The following AIG1 variants were observed in gnomAD, a reference collection of about 807,000 sequenced individuals.
AIG1 encodes androgen-induced gene 1 protein.
AIG1 carries 23 observed loss-of-function variants against 31.4 expected under a neutral mutation model. That is an observed-to-expected ratio of 0.73 (90% confidence interval 0.53 to 1.04). AIG1 has a LOEUF of 1.04. Ranked by LOEUF, AIG1 falls within the 50% of genes least tolerant of loss-of-function variation. AIG1 has a pLI of 0.00. For synonymous variants in AIG1, 100 were observed against 110.5 expected (o/e 0.90, Z 0.60); for missense variants, 274 against 295.0 (o/e 0.93, Z 0.52).
At chr6:143,093,504 T>C (rs1355700729) in intron 1 of AIG1, among the ~76,000 whole-genome samples, 1 of 152,238 alleles carries the variant, frequency 6.6e-6, no homozygotes, top group Admixed American at 6.5e-5. Context: ...GCAATAAGGC[T>C]GTTTTCTTTT....
chr6:143,265,682 A>G (rs1173584986), intron 3 of AIG1, among the ~76,000 whole-genome samples: 1 of 152,198 alleles, frequency 6.6e-6, no homozygotes, highest in African/African-American at 2.4e-5. Flanking sequence ...GCTGAACACA[A>G]TATACCTCAC....
intron 2 of AIG1, among the ~76,000 whole-genome samples, chr6:143,157,964 A>G (rs1028729254): frequency 3.9e-5 from 6 of 152,182 alleles, no homozygotes; most frequent in Non-Finnish European, 8.8e-5. Flanking sequence ...CAAGCCAGCT[A>G]TTTGTGAAAG....
At chr6:143,143,500 CAAAAAAAAAAAAAA>C (rs60620136) in intron 2 of AIG1, among the ~76,000 whole-genome samples, 3 of 27,484 alleles carry the variant, frequency 1.1e-4, no homozygotes, top group African/African-American at 2.7e-4. Context: ...GACTTCATCT[CAAAAAAAAAAAAAA>C]AAAAAAAAAA....
At chr6:143,205,960 T>C (rs1465974058) in intron 3 of AIG1, among the ~76,000 whole-genome samples, 2 of 152,232 alleles carry the variant, frequency 1.3e-5, no homozygotes, top group African/African-American at 4.8e-5. Flanking sequence ...TATTATTTCA[T>C]TTCCCTCCAA....
At chr6:143,247,659 A>G (rs1482633055) in intron 3 of AIG1, among the ~76,000 whole-genome samples, 2 of 152,182 alleles carry the variant, frequency 1.3e-5, no homozygotes, top group Non-Finnish European at 2.9e-5. Flanking sequence ...CACTGTTAAT[A>G]TTATTCCCAT....
intron 3 of AIG1, among the ~76,000 whole-genome samples, chr6:143,272,673 CAGAA>C (rs1364870094): frequency 6.6e-6 from 1 of 152,130 alleles, no homozygotes; most frequent in Non-Finnish European, 1.5e-5. Flanking sequence ...GGATTGCAGT[CAGAA>C]AGAAGATGAA....
chr6:143,090,422 T>A (rs1339693561), intron 1 of AIG1, among the ~76,000 whole-genome samples: 1 of 152,202 alleles, frequency 6.6e-6, no homozygotes, highest in Non-Finnish European at 1.5e-5. Flanking sequence ...TTATAGTCGA[T>A]CTGTTTTCAG....
chr6:143,125,387 A>T (rs1342267906), intron 1 of AIG1, among the ~76,000 whole-genome samples: 5 of 152,240 alleles, frequency 3.3e-5, no homozygotes, highest in African/African-American at 1.2e-4. Flanking sequence ...TTTCTGCATT[A>T]GTAGTTTACT....
chr6:143,320,289 T>C (rs2328474), intron 4 of AIG1, among the ~76,000 whole-genome samples: 111,089 of 152,150 alleles, frequency 0.73, 42,319 homozygotes, highest in East Asian at 1. Flanking sequence ...GGTGCAGCCA[T>C]TATGGAAAAT....
At chr6:143,138,205 T>C (rs1352716662) in intron 2 of AIG1, among the ~76,000 whole-genome samples, 2 of 152,232 alleles carry the variant, frequency 1.3e-5, no homozygotes, top group Non-Finnish European at 2.9e-5. Context: ...CTTAAATAAA[T>C]GAGTACTCAG....
At chr6:143,307,571 G>C (rs562792045) in intron 4 of AIG1, among the ~76,000 whole-genome samples, 16 of 152,326 alleles carry the variant, frequency 1.1e-4, no homozygotes, top group African/African-American at 3.8e-4. Context: ...TTTTATCTCA[G>C]AGGAGTACCT....
chr6:143,226,985 C>CTTTTTTA (rs1438136748), intron 3 of AIG1, among the ~76,000 whole-genome samples: 1 of 113,622 alleles, frequency 8.8e-6, no homozygotes, highest in Non-Finnish European at 1.8e-5. Context: ...GAGTTTTTGT[C>CTTTTTTA]TTTTTTTTTT....
chr6:143,319,424 A>G (rs1309777659), intron 4 of AIG1, among the ~76,000 whole-genome samples: 1 of 152,230 alleles, frequency 6.6e-6, no homozygotes, highest in Non-Finnish European at 1.5e-5. Context: ...GAGCTAAGCT[A>G]TGACGACACA....
At chr6:143,107,592 A>C (rs1780917518) in intron 1 of AIG1, among the ~76,000 whole-genome samples, 1 of 152,326 alleles carries the variant, frequency 6.6e-6, no homozygotes, top group East Asian at 1.9e-4. Context: ...TGGAAACCTC[A>C]GTATCTATTT....
intron 4 of AIG1, among the ~76,000 whole-genome samples, chr6:143,314,766 A>G (rs897222030): frequency 5.3e-5 from 8 of 152,138 alleles, no homozygotes; most frequent in African/African-American, 1.7e-4. Context: ...ACCCTTTTCC[A>G]TTTAGAAAAT....
chr6:143,216,379 G>A (rs1362012403), intron 3 of AIG1, among the ~76,000 whole-genome samples: 1 of 152,204 alleles, frequency 6.6e-6, no homozygotes, highest in Non-Finnish European at 1.5e-5. Flanking sequence ...GGAGGATGGA[G>A]GACAAAAGGC....
intron 1 of AIG1, among the ~76,000 whole-genome samples, chr6:143,100,199 A>C (rs1481162603): frequency 6.6e-6 from 1 of 152,136 alleles, no homozygotes; most frequent in African/African-American, 2.4e-5. Context: ...TTCCAATGTC[A>C]GTGTTTCTAC....
rs562228612 is a variant in AIG1 at position 143,284,659 on chromosome 6, G to A, written c.515+434G>A. 3.9e-5 allele frequency among the ~76,000 whole-genome samples: 6 copies of A among 152,208 alleles called. No homozygotes were observed. The highest frequency in any genetic ancestry group is 7.2e-5 in the African/African-American group (3 of 41,498). Reference sequence around the variant, plus strand: ...TACTAGGAAACAAGTGAAAATGTATGTTTTCCCTGGTCCATTTAAAACCTA... The same window carrying A: ...TACTAGGAAACAAGTGAAAATGTATATTTTCCCTGGTCCATTTAAAACCTA... On this transcript the variant is annotated intron_variant, in intron 4 of 5. Transcript: ENST00000357847. This position sits in a 1 kb window ranked among gnomAD's most constrained non-coding sequence, Gnocchi z 4.4.
At chr6:143,140,296 G>C (rs1784138738) in intron 2 of AIG1, among the ~76,000 whole-genome samples, 1 of 151,920 alleles carries the variant, frequency 6.6e-6, no homozygotes, top group Non-Finnish European at 1.5e-5. Flanking sequence ...ATTTGCGTGG[G>C]GACACAGCCA....
Sources: gnomAD v4.1 joint callset for allele counts (sites outside exome capture counted in the v4.1 genomes callset) on GRCh38, gnomAD v4.1.1 for gene constraint, Gnocchi (gnomAD v3.1) non-coding constraint, MANE v1.5 for transcripts, NCBI Gene and HGNC (gene_info 2026-07-23, HGNC 2026-07-21) for gene names.